The following CYP27A1 variants were observed in gnomAD, a reference collection of about 807,000 sequenced individuals.
CYP27A1 encodes sterol 26-hydroxylase, mitochondrial.
A neutral mutation model predicts 58.2 loss-of-function variants in CYP27A1; 46 were observed. The ratio of observed to expected loss-of-function variants is 0.79; its 90% CI spans 0.62 to 1.01. CYP27A1 has a LOEUF of 1.01. Ranked by LOEUF, CYP27A1 falls within the 50% of genes least tolerant of loss-of-function variation. The probability of loss-of-function intolerance (pLI) is 0.00; values close to 1 mark genes in which losing one functional copy is unlikely to be tolerated. For missense variants in CYP27A1, 704 were observed against 687.0 expected (o/e 1.02, Z -0.28); for synonymous variants, 274 against 285.1 (o/e 0.96, Z 0.39).
At chr2:218,798,637 C>T (rs1559388344) in intron 1 of CYP27A1, among the ~76,000 whole-genome samples, 1 of 152,126 alleles carries the variant, frequency 6.6e-6, no homozygotes, top group Non-Finnish European at 1.5e-5. Flanking sequence ...AATCCCAGCA[C>T]TTTGGGAGGC....
At position 218,809,774 on chromosome 2, in the gene CYP27A1, TG is replaced by T; in HGVS notation, c.446+11del. 2 of 1,612,326 alleles carry T rather than the reference TG, an allele frequency of 1.2e-6. No homozygotes were observed. Among genetic ancestry groups the T allele is most frequent in the Admixed American group, 1.7e-5 (1 of 59,956 alleles). Reference sequence around the variant, plus strand: ...CCTATGGGCCGTTCACCACGTGAGCTGGGGCCTGAAGGGACTGGAACAGGGC... The same window carrying T: ...CCTATGGGCCGTTCACCACGTGAGCTGGGCCTGAAGGGACTGGAACAGGGC... On this transcript the variant is annotated splice_region_variant and intron_variant, in intron 2 of 8. Transcript: ENST00000258415.
intron 1 of CYP27A1, among the ~76,000 whole-genome samples, chr2:218,787,768 A>G (rs1330750356): frequency 6.6e-6 from 1 of 152,122 alleles, no homozygotes; most frequent in African/African-American, 2.4e-5. Flanking sequence ...TCAACTTTGG[A>G]CCTTCCAGCC....
chr2:218,808,861 G>A (rs1007438661), intron 1 of CYP27A1, among the ~76,000 whole-genome samples: 3 of 152,078 alleles, frequency 2.0e-5, no homozygotes, highest in African/African-American at 4.8e-5. Context: ...GATATCTATC[G>A]TCAAGTGCTT....
intron 2 of CYP27A1, among the ~76,000 whole-genome samples, chr2:218,811,905 G>A (rs1448047406): frequency 6.6e-6 from 1 of 152,158 alleles, no homozygotes; most frequent in Non-Finnish European, 1.5e-5. Flanking sequence ...TTTATAGAAA[G>A]GGAAACTGAG....
intron 1 of CYP27A1, among the ~76,000 whole-genome samples, chr2:218,788,664 A>G (rs1025982927): frequency 6.6e-6 from 1 of 152,084 alleles, no homozygotes; most frequent in African/African-American, 2.4e-5. Context: ...TTTTGAATAT[A>G]CTTCTCTGGT....
chr2:218,790,643 C>T (rs979143585), intron 1 of CYP27A1, among the ~76,000 whole-genome samples: 2 of 152,172 alleles, frequency 1.3e-5, no homozygotes, highest in South Asian at 4.1e-4. Flanking sequence ...GTTGTGTAAC[C>T]ATATCCTTTA....
intron 1 of CYP27A1, among the ~76,000 whole-genome samples, chr2:218,806,577 G>T (rs1379863651): frequency 3.3e-5 from 5 of 152,238 alleles, no homozygotes; most frequent in Admixed American, 3.3e-4. Flanking sequence ...TTTTAAAATA[G>T]TACACGCTTT....
At chr2:218,785,532 A>G (rs1005129526) in intron 1 of CYP27A1, among the ~76,000 whole-genome samples, 9 of 152,040 alleles carry the variant, frequency 5.9e-5, no homozygotes, top group African/African-American at 1.9e-4. Context: ...TCAGGGGCAG[A>G]TTTGCTTAGG....
chr2:218,782,265 A>G lies in CYP27A1; in HGVS notation c.83A>G (p.Lys28Arg), dbSNP rs371449777. 1.3e-6 allele frequency: 2 copies of G among 1,566,600 alleles called. No individual in the cohort carries two copies. Among genetic ancestry groups the G allele is most frequent in the Non-Finnish European group, 8.6e-7 (1 of 1,156,734 alleles). The change falls in exon 1 of 9, where the codon AAG becomes AGG. Residue 28 changes from lysine to arginine, a missense_variant. Physicochemically the swap from Lys to Arg is conservative, Grantham distance 26. Coordinates refer to ENST00000258415, the MANE Select transcript of CYP27A1 (RefSeq NM_000784.4). The surrounding 1 kb of genome is among the most constrained non-coding windows in gnomAD (Gnocchi z 4.1). ...RGLCPHGARA[K>R]AAIPAALPSD... ...CTCTGCCCCCACGGGGCCAGAGCCA[A>G]GGCCGCGATCCCTGCCGCCCTCCCC...
Position 218,812,959 on chromosome 2 carries a change from G to A in CYP27A1, c.880G>A (p.Glu294Lys). The change falls in exon 5 of 9, where the codon GAG becomes AAG. Residue 294 changes from glutamate (E) to lysine (K), a missense_variant. Coordinates refer to ENST00000258415, the MANE Select transcript of CYP27A1 (RefSeq NM_000784.4). ...GATTGATGAGAAGCTCGAAGATATGGAGGCCCAACTGCAGGCAGCAGGGCC... is the reference window on the plus strand; with the variant it reads ...GATTGATGAGAAGCTCGAAGATATGAAGGCCCAACTGCAGGCAGCAGGGCC... ...KLIDEKLEDMEAQLQAAGPDG... is the reference protein window; with the variant it reads ...KLIDEKLEDMKAQLQAAGPDG... The A allele has an allele frequency of 6.2e-7, 1 of 1,614,236 alleles. No homozygotes were observed.
chr2:218,812,697 G>C lies in CYP27A1; in HGVS notation c.792G>C (p.Val264=), dbSNP rs144018609. ...ATFLPKWTRP[V]LPFWKRYLDG... ...TCCTCCCCAAGTGGACTCGCCCCGTGCTGCCTTTCTGGAAGCGATACCTGG... is the reference window on the plus strand; with the variant it reads ...TCCTCCCCAAGTGGACTCGCCCCGTCCTGCCTTTCTGGAAGCGATACCTGG... The change falls in exon 4 of 9, where the codon GTG becomes GTC. Residue 264 remains valine, a synonymous_variant. Transcript: ENST00000258415. 6.2e-7 allele frequency: 1 copy of C among 1,614,090 alleles called. No homozygotes were observed. Among genetic ancestry groups the C allele is most frequent in the African/African-American group, 1.3e-5 (1 of 74,920 alleles).
At chr2:218,803,022 G>C (rs571639003) in intron 1 of CYP27A1, among the ~76,000 whole-genome samples, 1 of 151,968 alleles carries the variant, frequency 6.6e-6, no homozygotes, top group Non-Finnish European at 1.5e-5. Flanking sequence ...TCGGCTCACC[G>C]CAACCTCTGC....
intron 1 of CYP27A1, among the ~76,000 whole-genome samples, chr2:218,806,881 G>T (rs1943656662): frequency 6.6e-6 from 1 of 151,324 alleles, no homozygotes; most frequent in South Asian, 2.1e-4. Flanking sequence ...GGAAACACGT[G>T]CAATTATTAT....
chr2:218,812,853 G>A lies in CYP27A1; in HGVS notation c.845-71G>A, dbSNP rs185926729. On this transcript the variant is annotated intron_variant, in intron 4 of 8. Transcript: ENST00000258415. The stretch of plus-strand genomic sequence containing the variant: ...CTTTTCCCTCATGCTACCAGTTGTC[G>A]GAGTGGCTCTTGGTCCTTGGAGATC... The A allele has an allele frequency of 1.2e-5, 19 of 1,608,520 alleles. No homozygotes were observed. The African/African-American group carries it at 1.6e-4, about 14-fold the overall frequency.
In CYP27A1 at chr2:218,783,713, C is replaced by T. The variant is rs189441909; in HGVS notation, c.255+1276C>T. On this transcript the variant is annotated intron_variant, in intron 1 of 8. Coordinates refer to ENST00000258415, the MANE Select transcript of CYP27A1 (RefSeq NM_000784.4). ...AGGTTGGGGAAGAGGGAGGGGGCTT[C>T]GATTCGGGGTGCCTCCACAAGGACA... 3.4e-4 allele frequency among the ~76,000 whole-genome samples: 52 copies of T among 152,134 alleles called. 1 individual carries two copies. The East Asian group carries it at 8.5e-3, about 25-fold the overall frequency.
chr2:218,813,127 C>T (rs1169898764), intron 5 of CYP27A1, 31 bp downstream of exon 5: 18 of 1,580,086 alleles, frequency 1.1e-5, no homozygotes, highest in Middle Eastern at 4.0e-4. Context: ...AGACCAGGGG[C>T]CCCCAGCTCC....
chr2:218,786,646 A>G (rs1292705703), intron 1 of CYP27A1, among the ~76,000 whole-genome samples: 1 of 152,094 alleles, frequency 6.6e-6, no homozygotes, highest in Non-Finnish European at 1.5e-5. Context: ...ATTATGAGAT[A>G]TCTATTCTGT....
intron 1 of CYP27A1, among the ~76,000 whole-genome samples, chr2:218,805,395 T>C (rs1011240083): frequency 2.0e-5 from 3 of 152,204 alleles, no homozygotes; most frequent in Non-Finnish European, 4.4e-5. Context: ...TGCTTAGCAG[T>C]GTGCCCAACA....
rs369969903 is a variant in CYP27A1, at chr2:218,814,117, G to A, written c.1114G>A (p.Gly372Arg). The change falls in exon 6 of 9, where the codon GGG (glycine) becomes AGG (arginine). Residue 372 changes from glycine (G) to arginine (R), a missense_variant. By Grantham distance (125) the Gly-to-Arg change is moderately radical (BLOSUM62 -2). Transcript: ENST00000258415. ...HEEVVGVVPA[G>R]QVPQHKDFAH... ...GGAAGTGGTGGGTGTGGTGCCAGCC[G>A]GGCAAGTGCCCCAGCACAAGGACTT... The A allele has an allele frequency of 5.8e-5, 93 of 1,614,130 alleles. No homozygotes were observed. Among genetic ancestry groups the A allele is most frequent in the Middle Eastern group, 1.6e-4 (1 of 6,084 alleles).
Sources: gnomAD v4.1 joint callset for allele counts (sites outside exome capture counted in the v4.1 genomes callset) on GRCh38, gnomAD v4.1.1 for gene constraint, Gnocchi (gnomAD v3.1) non-coding constraint, MANE v1.5 for transcripts, NCBI Gene and HGNC (gene_info 2026-07-23, HGNC 2026-07-21) for gene names.